ARHGAP44: variants seen among roughly 807,000 people sequenced by gnomAD.
ARHGAP44 encodes the protein Rho GTPase activating protein 44.
ARHGAP44 carries 43 observed loss-of-function variants against 106.8 expected under a neutral mutation model. That is an observed-to-expected ratio of 0.40 (90% CI 0.32 to 0.52). ARHGAP44 has a LOEUF of 0.52. Ranked by LOEUF, ARHGAP44 falls within the 20% of genes least tolerant of loss-of-function variation. The probability of loss-of-function intolerance (pLI) is 0.48; values close to 1 mark genes in which losing one functional copy is unlikely to be tolerated. For synonymous variants in ARHGAP44, 439 were observed against 410.3 expected, an observed-to-expected ratio of 1.07 and a Z score of -0.85; for missense variants, 866 against 1,050.5, an observed-to-expected ratio of 0.82 and a Z score of 2.43.
At position 12,908,958 on chromosome 17, in the gene ARHGAP44, A is replaced by G. The variant is rs1298996079; in HGVS notation, c.260A>G (p.Asp87Gly). Residue 87 changes from aspartate to glycine, a missense_variant, in exon 4 of 21, where the codon GAT becomes GGT. Physicochemically the swap from Asp to Gly is moderately conservative, Grantham distance 94 (BLOSUM62 -1). This residue lies in a region of ARHGAP44 where 448 missense variants were observed against 646.9 expected (regional missense o/e 0.69). Transcript: ENST00000379672. ...ATGGAGGGGTCAGCTATCCTGGGAG[A>G]TGACACACTTCTTGGGTAAGGTGAC... ...CLMEGSAILG[D>G]DTLLGKMLKL... is the part of the protein sequence containing the mutation. 1 of 1,593,922 alleles carries G rather than the reference A, an allele frequency of 6.3e-7. No homozygotes were observed. Among genetic ancestry groups the G allele is most frequent in the Admixed American group, 1.9e-5 (1 of 53,940 alleles).
intron 16 of ARHGAP44, among the ~76,000 whole-genome samples, chr17:12,964,260 C>A (rs2039336411): frequency 6.6e-6 from 1 of 152,094 alleles, no homozygotes; most frequent in Non-Finnish European, 1.5e-5. Context: ...ATTTCTCTGA[C>A]AGTGCCAGAC....
At chr17:12,965,330 G>A (rs1057489028) in intron 16 of ARHGAP44, among the ~76,000 whole-genome samples, 5 of 152,204 alleles carry the variant, frequency 3.3e-5, no homozygotes, top group African/African-American at 4.8e-5. Context: ...ACCAGAGCCA[G>A]GTGACAGCAA....
At chr17:12,940,568 T>C (rs2038679286) in intron 7 of ARHGAP44, among the ~76,000 whole-genome samples, 1 of 152,218 alleles carries the variant, frequency 6.6e-6, no homozygotes, top group African/African-American at 2.4e-5. Flanking sequence ...TTATCCAAGC[T>C]TCCTCCAAAT....
chr17:12,884,788 T>C (rs2036836789), intron 1 of ARHGAP44, among the ~76,000 whole-genome samples: 1 of 152,330 alleles, frequency 6.6e-6, no homozygotes, highest in African/African-American at 2.4e-5. Flanking sequence ...ATTCAGTATG[T>C]ATGAGGCCTT....
At chr17:12,871,437 AGT>A (rs1483681415) in intron 1 of ARHGAP44, among the ~76,000 whole-genome samples, 1 of 152,180 alleles carries the variant, frequency 6.6e-6, no homozygotes, top group Non-Finnish European at 1.5e-5. Context: ...CTCTATAGGA[AGT>A]GTGGCTGGGA....
At chr17:12,969,825 A>G (rs965813075) in intron 16 of ARHGAP44, among the ~76,000 whole-genome samples, 1 of 152,182 alleles carries the variant, frequency 6.6e-6, no homozygotes, top group African/African-American at 2.4e-5. Flanking sequence ...TTGATAAACT[A>G]TCTTCATGGA....
chr17:12,977,441 C>G (rs1598152824), intron 18 of ARHGAP44, among the ~76,000 whole-genome samples: 1 of 152,126 alleles, frequency 6.6e-6, no homozygotes, highest in East Asian at 1.9e-4. Context: ...ACTCCCTACC[C>G]CAGGCCCCAC....
In ARHGAP44 at chr17:12,949,457, T is replaced by C. The variant is rs1373790348; in HGVS notation, c.974-192T>C. On this transcript the variant is annotated intron_variant, in intron 11 of 20. Coordinates refer to ENST00000379672, the MANE Select transcript of ARHGAP44 (RefSeq NM_014859.6). This position sits in a 1 kb window ranked among gnomAD's most constrained non-coding sequence, Gnocchi z 4.1. ...CGCATGCCAAGGGAAGACGAGGTAA[T>C]TGTGGGAAGAAAGAGGGGCCAGGTC... Among the ~76,000 whole-genome samples the C allele has an allele frequency of 6.6e-6, 1 of 152,068 alleles. No homozygotes were observed. Among genetic ancestry groups the C allele is most frequent in the Non-Finnish European group, 1.5e-5 (1 of 67,998 alleles).
intron 1 of ARHGAP44, among the ~76,000 whole-genome samples, chr17:12,885,896 C>G (rs2036867651): frequency 6.6e-6 from 1 of 151,912 alleles, no homozygotes; most frequent in Non-Finnish European, 1.5e-5. Flanking sequence ...TTTTATGAAT[C>G]ATGGTTTTGA....
At chr17:12,923,926 G>A (rs1433290256) in intron 6 of ARHGAP44, among the ~76,000 whole-genome samples, 1 of 152,178 alleles carries the variant, frequency 6.6e-6, no homozygotes, top group East Asian at 1.9e-4. Flanking sequence ...GAACAGCTGG[G>A]TTCTGAATGC....
At chr17:12,836,931 T>C (rs1426723608) in intron 1 of ARHGAP44, among the ~76,000 whole-genome samples, 1 of 152,200 alleles carries the variant, frequency 6.6e-6, no homozygotes, top group Non-Finnish European at 1.5e-5. Context: ...TTGGATCTAA[T>C]TGGCAATTAT....
intron 19 of ARHGAP44, among the ~76,000 whole-genome samples, chr17:12,981,420 G>A (rs573073151): frequency 2.0e-5 from 3 of 149,494 alleles, no homozygotes; most frequent in East Asian, 2.0e-4. Context: ...TTTTTGAGAC[G>A]AAGTCTTGCT....
At chr17:12,897,710 C>CTTTTTTTTTTTTTT (rs71980749) in intron 3 of ARHGAP44, among the ~76,000 whole-genome samples, 1 of 108,952 alleles carries the variant, frequency 9.2e-6, no homozygotes, top group Non-Finnish European at 1.8e-5. Context: ...TGATCTGTGT[C>CTTTTTTTTTTTTTT]TTTTTTTTTT....
At chr17:12,932,566 A>G (rs925478388) in intron 7 of ARHGAP44, among the ~76,000 whole-genome samples, 23 of 152,294 alleles carry the variant, frequency 1.5e-4, no homozygotes, top group East Asian at 3.9e-4. Context: ...AGCCCTTTGG[A>G]CATCTTCTAC....
intron 1 of ARHGAP44, among the ~76,000 whole-genome samples, chr17:12,847,757 G>A (rs961381453): frequency 3.3e-5 from 5 of 151,478 alleles, no homozygotes; most frequent in South Asian, 2.1e-4. Context: ...CGCCCGCCTC[G>A]GCCTCCCAAA....
At chr17:12,953,805 T>C (rs528194982) in intron 13 of ARHGAP44, among the ~76,000 whole-genome samples, 1 of 152,178 alleles carries the variant, frequency 6.6e-6, no homozygotes, top group South Asian at 2.1e-4. Flanking sequence ...GTCAAACTCA[T>C]AGAGAAACAA....
intron 1 of ARHGAP44, chr17:12,790,778 G>A (rs1341047952): frequency 6.6e-6 from 1 of 152,218 alleles, no homozygotes; most frequent in Non-Finnish European, 1.5e-5. Context: ...TCGCTCCCAA[G>A]ACTAGACATT....
At chr17:12,935,586 A>C (rs530784676) in intron 7 of ARHGAP44, among the ~76,000 whole-genome samples, 268 of 148,860 alleles carry the variant, frequency 1.8e-3, no homozygotes, top group African/African-American at 6.3e-3. Flanking sequence ...AAAAAAAAAA[A>C]ATCAAGGGAA....
intron 3 of ARHGAP44, among the ~76,000 whole-genome samples, chr17:12,898,864 CACAT>C (rs1417722083): frequency 6.6e-6 from 1 of 152,188 alleles, no homozygotes; most frequent in Non-Finnish European, 1.5e-5. Flanking sequence ...AGGCTGCAGT[CACAT>C]GCATGCAGTG....
Sources: allele counts gnomAD v4.1 joint callset (sites outside exome capture counted in the v4.1 genomes callset), GRCh38; gene constraint gnomAD v4.1.1; regional missense constraint gnomAD v4.1.1; non-coding constraint Gnocchi (gnomAD v3.1); transcripts MANE v1.5; gene names NCBI Gene and HGNC (gene_info 2026-07-23, HGNC 2026-07-21).